MAP2K3: variants seen among roughly 807,000 people sequenced by gnomAD.
The protein encoded by MAP2K3 is mitogen-activated protein kinase kinase 3.
Under a neutral mutation model 46.4 loss-of-function variants are expected in MAP2K3, and 30 were observed. That is an observed-to-expected ratio of 0.65 (90% CI 0.48 to 0.88). The LOEUF (loss-of-function observed/expected upper bound fraction) is 0.88. Ranked by LOEUF, MAP2K3 falls within the 40% of genes least tolerant of loss-of-function variation. The pLI is 0.00. For synonymous variants in MAP2K3, 189 were observed against 176.3 expected (o/e 1.07, Z -0.57); for missense variants, 380 against 464.5 (o/e 0.82, Z 1.67).
intron 1 of MAP2K3, among the ~76,000 whole-genome samples, chr17:21,293,813 C>T (rs1165370264): frequency 6.6e-6 from 1 of 152,312 alleles, no homozygotes; most frequent in East Asian, 1.9e-4. Context: ...ATGGCACAGC[C>T]TGGGCCTGGC....
At chr17:21,293,546 AGG>A (rs1488629557) in intron 1 of MAP2K3, among the ~76,000 whole-genome samples, 1 of 152,310 alleles carries the variant, frequency 6.6e-6, no homozygotes, top group Non-Finnish European at 1.5e-5. Flanking sequence ...ATCACCGGGG[AGG>A]GGGCGCTGCC....
At chr17:21,296,303 C>A in intron 1 of MAP2K3, 1 of 811,972 alleles carries the variant, frequency 1.2e-6, no homozygotes, top group Non-Finnish European at 1.8e-6. Context: ...CTGGAGTTTA[C>A]CACGGCTGCG....
At chr17:21,297,631 C>A (rs984479209) in intron 1 of MAP2K3, among the ~76,000 whole-genome samples, 15 of 152,418 alleles carry the variant, frequency 9.8e-5, no homozygotes, top group Middle Eastern at 6.8e-3. Context: ...CCCCACTGTG[C>A]CTGGAGCCCC....
At chr17:21,298,521 C>T (rs373738807) in intron 2 of MAP2K3, 42 bp downstream of exon 2, 59 of 1,614,062 alleles carry the variant, frequency 3.7e-5, no homozygotes, top group African/African-American at 1.3e-5. Flanking sequence ...CCTGGAGAGG[C>T]TTCCCGAACA....
At chr17:21,295,108 C>T (rs1976165984) in intron 1 of MAP2K3, among the ~76,000 whole-genome samples, 1 of 152,310 alleles carries the variant, frequency 6.6e-6, no homozygotes, top group South Asian at 2.1e-4. Flanking sequence ...AGGACAGTCA[C>T]AGGGAAGAGC....
At chr17:21,305,958 T>G (rs60433431) in intron 9 of MAP2K3, among the ~76,000 whole-genome samples, 1 of 152,422 alleles carries the variant, frequency 6.6e-6, no homozygotes. Flanking sequence ...ACATTCCTGC[T>G]TGTCCCTAGT....
chr17:21,301,671 G>A (rs1216838249), intron 5 of MAP2K3, among the ~76,000 whole-genome samples: 1 of 152,312 alleles, frequency 6.6e-6, no homozygotes, highest in Non-Finnish European at 1.5e-5. Flanking sequence ...CAGCCTGCGG[G>A]TGCCCCCTGC....
rs755191812 is a variant in MAP2K3, at chr17:21,302,275, G to A, written c.516+16G>A. ...TGCTGTGTCTGTGAGTGGCCTGGGT[G>A]GGCTGGCGGGGGGTCCTAGGTGCAT... On this transcript the variant is annotated intron_variant, in intron 6 of 11. Transcript: ENST00000342679. The A allele has an allele frequency of 3.1e-6, 5 of 1,609,678 alleles. No individual in the cohort carries two copies. Among genetic ancestry groups the A allele is most frequent in the Admixed American group, 1.7e-5 (1 of 60,006 alleles).
chr17:21,297,735 C>G (rs1007346761), intron 1 of MAP2K3, among the ~76,000 whole-genome samples: 4 of 9,624 alleles, frequency 4.2e-4, no homozygotes, highest in African/African-American at 1.6e-3. Flanking sequence ...TGGGGCCTCT[C>G]GCCTGTCCCT....
intron 3 of MAP2K3, among the ~76,000 whole-genome samples, chr17:21,300,011 G>A (rs553091437): frequency 6.6e-6 from 1 of 152,268 alleles, no homozygotes; most frequent in African/African-American, 2.4e-5. Flanking sequence ...CCCTAGGCCT[G>A]TCCTTGACGA....
intron 5 of MAP2K3, among the ~76,000 whole-genome samples, chr17:21,301,459 G>C (rs922397961): frequency 1.3e-5 from 2 of 152,310 alleles, no homozygotes; most frequent in Non-Finnish European, 2.9e-5. Context: ...GCCAAGCCGG[G>C]TGGGTGTGGG....
In MAP2K3 at chr17:21,303,203, T is replaced by A. The variant is rs770874878; in HGVS notation, c.537T>A (p.His179Gln). Residue 179 changes from histidine to glutamine, a missense_variant, in exon 7 of 12, where the codon CAT (histidine) becomes CAA (glutamine). By Grantham distance (24) the His-to-Gln change is conservative. Around this residue, in one of 5 missense-constraint regions of MAP2K3, gnomAD observed 294 missense variants for 275.4 expected, o/e 1.07. Coordinates refer to ENST00000342679, the MANE Select transcript of MAP2K3 (RefSeq NM_145109.3). ...GCCAGATCGTGCGGGCCCTGGAGCA[T>A]CTGCACAGCAAGCTGTCGGTGATCC... is the stretch of plus-strand genomic sequence containing the variant. ...IAVSIVRALE[H>Q]LHSKLSVIHR... 1.2e-6 allele frequency: 2 copies of A among 1,614,018 alleles called. No individual in the cohort carries two copies. The highest frequency in any genetic ancestry group is 1.7e-6 in the Non-Finnish European group (2 of 1,179,972).
chr17:21,296,900 AGCTGCTGCTGCT>A (rs3035372), intron 1 of MAP2K3, among the ~76,000 whole-genome samples: 13 of 150,392 alleles, frequency 8.6e-5, no homozygotes, highest in African/African-American at 2.7e-4. Context: ...ATGTGGCGGC[AGCTGCTGCTGCT>A]GCTGCTGCTG....
intron 9 of MAP2K3, among the ~76,000 whole-genome samples, chr17:21,308,098 T>C (rs1244745530): frequency 4.8e-5 from 7 of 146,560 alleles, no homozygotes; most frequent in Non-Finnish European, 1.1e-4. Context: ...TCAGGTGATC[T>C]GCCTGCCTCT....
At chr17:21,299,681 CAAAAAAA>C (rs68190120) in intron 3 of MAP2K3, among the ~76,000 whole-genome samples, 4 of 132,974 alleles carry the variant, frequency 3.0e-5, no homozygotes, top group African/African-American at 2.8e-5. Flanking sequence ...GACCCCGTTT[CAAAAAAA>C]AAAAAAAAAA....
intron 5 of MAP2K3, 89 bp from the exon 6 acceptor site, chr17:21,302,054 G>A (rs1976632890): frequency 1.5e-6 from 2 of 1,325,458 alleles, no homozygotes; most frequent in African/African-American, 2.9e-5. Flanking sequence ...GAGGGGGCTG[G>A]GGCTGGGGCT....
rs142784274 is a variant in MAP2K3 at position 21,298,436 on chromosome 17, C to T, written c.73C>T (p.Leu25=). 1.9e-6 allele frequency: 3 copies of T among 1,614,312 alleles called. No homozygotes were observed. The highest frequency in any genetic ancestry group is 2.5e-6 in the Non-Finnish European group (3 of 1,180,056). ...AGGAAAATCCAAGAGGAAGAAGGAT[C>T]TACGGATATCCTGCATGTCCAAGCC... ...SKGKSKRKKD[L]RISCMSKPPA... Residue 25 remains leucine (L), a synonymous_variant, in exon 2 of 12, where the codon CTA becomes TTA. Transcript: ENST00000342679.
chr17:21,298,668 C>A (rs1976407683), intron 2 of MAP2K3, among the ~76,000 whole-genome samples, 189 bp downstream of exon 2: 1 of 152,310 alleles, frequency 6.6e-6, no homozygotes, highest in Admixed American at 6.5e-5. Context: ...CTGCTCTGCT[C>A]ACTTCTCACC....
At chr17:21,293,549 G>T (rs972021524) in intron 1 of MAP2K3, among the ~76,000 whole-genome samples, 1 of 152,310 alleles carries the variant, frequency 6.6e-6, no homozygotes, top group Non-Finnish European at 1.5e-5. Flanking sequence ...ACCGGGGAGG[G>T]GGCGCTGCCA....
Sources: allele counts gnomAD v4.1 joint callset (sites outside exome capture counted in the v4.1 genomes callset), GRCh38; gene constraint gnomAD v4.1.1; regional missense constraint gnomAD v4.1.1; transcripts MANE v1.5; gene names NCBI Gene and HGNC (gene_info 2026-07-23, HGNC 2026-07-21).